The following ARHGAP22 variants were observed in gnomAD, a reference collection of about 807,000 sequenced individuals.
The protein encoded by ARHGAP22 is rho GTPase-activating protein 22.
ARHGAP22 carries 48 observed loss-of-function variants against 59.1 expected under a neutral mutation model. That is an observed-to-expected ratio of 0.81 (90% CI 0.64 to 1.03). ARHGAP22 has a LOEUF of 1.03. Ranked by LOEUF, ARHGAP22 falls within the 50% of genes least tolerant of loss-of-function variation. ARHGAP22 has a pLI of 0.00. For missense variants in ARHGAP22, 1,015 were observed against 958.7 expected, an observed-to-expected ratio of 1.06 and a Z score of -0.78; for synonymous variants, 445 against 416.4, an observed-to-expected ratio of 1.07 and a Z score of -0.84.
chr10:48,603,053 C>T (rs2060476697), intron 1 of ARHGAP22, among the ~76,000 whole-genome samples: 1 of 152,202 alleles, frequency 6.6e-6, no homozygotes, highest in Admixed American at 6.5e-5. Context: ...GTGGAAGCCT[C>T]ATGGAACACT....
At chr10:48,473,261 T>C (rs953513016) in intron 4 of ARHGAP22, among the ~76,000 whole-genome samples, 7 of 152,096 alleles carry the variant, frequency 4.6e-5, no homozygotes, top group African/African-American at 1.4e-4. Context: ...ACTACAGGAT[T>C]CTACTTACAT....
chr10:48,629,278 C>T (rs1353359050), intron 1 of ARHGAP22, among the ~76,000 whole-genome samples: 1 of 152,248 alleles, frequency 6.6e-6, no homozygotes, highest in Non-Finnish European at 1.5e-5. Context: ...ATGGAGTCTA[C>T]TGAGGCTGCT....
the ARHGAP22 span, chr10:48,437,505 T>G: frequency 2.6e-5 from 4 of 152,230 alleles, no homozygotes; most frequent in Non-Finnish European, 4.4e-5. Context: ...ACCAAGATTT[T>G]TATTATCTTC....
chr10:48,491,890 C>T (rs553589010), intron 3 of ARHGAP22, among the ~76,000 whole-genome samples: 24 of 152,234 alleles, frequency 1.6e-4, no homozygotes, highest in Non-Finnish European at 3.1e-4. Context: ...AAGTCTGGCT[C>T]CTATCCGAAC....
intron 3 of ARHGAP22, among the ~76,000 whole-genome samples, chr10:48,486,459 G>C (rs2049870395): frequency 6.6e-6 from 1 of 152,018 alleles, no homozygotes; most frequent in Non-Finnish European, 1.5e-5. Context: ...TCCCGTCTCA[G>C]CCTCTTGAGT....
In ARHGAP22 at chr10:48,446,476, T is replaced by C; in HGVS notation, c.2012A>G (p.Gln671Arg). 2 of 1,614,232 alleles carry C rather than the reference T, an allele frequency of 1.2e-6. No homozygotes were observed. Among genetic ancestry groups the C allele is most frequent in the Non-Finnish European group, 1.7e-6 (2 of 1,180,038 alleles). The change falls in exon 10 of 10, where the codon CAG becomes CGG. Residue 671 changes from glutamine to arginine, a missense_variant. Coordinates refer to ENST00000249601, the MANE Select transcript of ARHGAP22 (RefSeq NM_021226.4). The stretch of plus-strand genomic sequence containing the variant: ...CTCCTCCATTTCCCTCTGCAACAGC[T>C]GGTTCCTCCTCTCCGCATCCTCCCG... Reference protein sequence around the residue: ...RAREDAERRNQLLQREMEEFF... With the variant: ...RAREDAERRNRLLQREMEEFF...
At chr10:48,451,480 G>A (rs2045945505) in intron 8 of ARHGAP22, 2 of 702,516 alleles carry the variant, frequency 2.8e-6, no homozygotes, top group South Asian at 1.5e-5. Flanking sequence ...ACTGGAACCT[G>A]GGACCTGAGA....
chr10:48,455,927 A>G (rs1294584562), intron 5 of ARHGAP22, among the ~76,000 whole-genome samples: 1 of 152,108 alleles, frequency 6.6e-6, no homozygotes, highest in African/African-American at 2.4e-5. Context: ...CCCCCTCTCC[A>G]GTGCCCCAGG....
chr10:48,453,971 G>C, intron 7 of ARHGAP22, 117 bp downstream of exon 7: 1 of 1,055,804 alleles, frequency 9.5e-7, no homozygotes. Flanking sequence ...GGCTGTGCAG[G>C]GTGGGGAATG....
At chr10:48,568,769 C>A (rs1336241512) in intron 2 of ARHGAP22, among the ~76,000 whole-genome samples, 2 of 152,228 alleles carry the variant, frequency 1.3e-5, no homozygotes, top group Admixed American at 1.3e-4. Flanking sequence ...CTGGCCCCCA[C>A]CCCCACCAGG....
Position 48,532,275 on chromosome 10 carries a change from T to C in ARHGAP22, c.322+23188A>G, listed in dbSNP as rs544828639. On this transcript the variant is annotated intron_variant, in intron 3 of 9. Transcript: ENST00000249601. ...TGCTGGTCACCTTCTTAACAACCAC[T>C]CACTGACTTCTGCCTCTTGGTGGTG... Among the ~76,000 whole-genome samples, 6 of 151,982 alleles carry C rather than the reference T, an allele frequency of 3.9e-5. No homozygotes were observed. In the South Asian group the frequency reaches 1.0e-3, roughly 27 times the overall value.
intron 1 of ARHGAP22, among the ~76,000 whole-genome samples, chr10:48,647,374 C>T (rs1367595187): frequency 2.0e-5 from 3 of 151,986 alleles, no homozygotes; most frequent in Non-Finnish European, 4.4e-5. Flanking sequence ...GTCTGGGCGA[C>T]AAGAGCAAAA....
chr10:48,510,221 A>G (rs1299154496), intron 3 of ARHGAP22, among the ~76,000 whole-genome samples: 2 of 152,122 alleles, frequency 1.3e-5, no homozygotes, highest in African/African-American at 4.8e-5. Context: ...GCGCATGAGC[A>G]TGCTCCCCCC....
intron 4 of ARHGAP22, among the ~76,000 whole-genome samples, chr10:48,463,177 T>C (rs1336354061): frequency 6.6e-6 from 1 of 152,238 alleles, no homozygotes; most frequent in Non-Finnish European, 1.5e-5. Flanking sequence ...ATCTGTGCCC[T>C]TTTGATAGGA....
chr10:48,597,823 T>C (rs2060157302), intron 1 of ARHGAP22, among the ~76,000 whole-genome samples: 1 of 152,228 alleles, frequency 6.6e-6, no homozygotes, highest in Non-Finnish European at 1.5e-5. Context: ...TGCCTGCCTA[T>C]GAGCCATTAG....
intron 3 of ARHGAP22, among the ~76,000 whole-genome samples, chr10:48,527,379 C>T (rs964701875): frequency 3.1e-5 from 4 of 128,748 alleles, no homozygotes; most frequent in East Asian, 2.3e-4. Flanking sequence ...GTGGATGGAT[C>T]GTTGATTGGA....
chr10:48,641,497 C>A (rs2062044493), intron 1 of ARHGAP22, among the ~76,000 whole-genome samples: 1 of 152,210 alleles, frequency 6.6e-6, no homozygotes, highest in South Asian at 2.1e-4. Flanking sequence ...ACAAAAACCA[C>A]ATGATATCTC....
chr10:48,459,041 C>T (rs3867448), intron 5 of ARHGAP22, among the ~76,000 whole-genome samples: 137,866 of 152,172 alleles, frequency 0.91, 63,863 homozygotes, highest in East Asian at 1. Context: ...GTAGTTTTTC[C>T]TGATGTAGAG....
At chr10:48,634,032 TATG>T (rs2061719890) in intron 1 of ARHGAP22, among the ~76,000 whole-genome samples, 1 of 152,234 alleles carries the variant, frequency 6.6e-6, no homozygotes, top group Non-Finnish European at 1.5e-5. Flanking sequence ...CGCTTGTTTC[TATG>T]ATAACTGGCA....
Sources: allele counts gnomAD v4.1 joint callset (sites outside exome capture counted in the v4.1 genomes callset), GRCh38; gene constraint gnomAD v4.1.1; transcripts MANE v1.5; gene names NCBI Gene and HGNC (gene_info 2026-07-23, HGNC 2026-07-21).